Variants in USHBP1 observed in about 807,000 individuals in gnomAD.
USHBP1 encodes USH1 protein network component harmonin binding protein 1.
A neutral mutation model predicts 76.2 loss-of-function variants in USHBP1; 67 were observed. The ratio of observed to expected loss-of-function variants is 0.88; its 90% CI spans 0.72 to 1.08. The LOEUF is 1.08. USHBP1 is among the 50% of genes least tolerant of loss of function. The pLI is 0.00. For missense variants in USHBP1, 931 were observed against 915.0 expected (o/e 1.02, Z -0.23); for synonymous variants, 322 against 362.2 (o/e 0.89, Z 1.26).
chr19:17,257,165 C>A (rs975334265), intron 8 of USHBP1, among the ~76,000 whole-genome samples: 2 of 149,960 alleles, frequency 1.3e-5, no homozygotes, highest in African/African-American at 2.4e-5. Context: ...GGACTACAGG[C>A]GCTTGCCACC....
At chr19:17,253,910 GAAAA>G (rs773867096) in intron 10 of USHBP1, among the ~76,000 whole-genome samples, 1 of 131,952 alleles carries the variant, frequency 7.6e-6, no homozygotes, top group Non-Finnish European at 1.6e-5. Context: ...AAAAAAAAAA[GAAAA>G]AAAAAATTAA....
rs1335595849 is a variant in USHBP1 at position 17,250,343 on chromosome 19, ATC to A, written c.1992_1993del (p.Gln664HisfsTer79). Reference sequence around the variant, plus strand: ...GGCCTGCTGAGCCTCCATGAGTGCCATCTGCTGCTCCAACTTCCGGCGTTGCT... The same window carrying A: ...GGCCTGCTGAGCCTCCATGAGTGCCATGCTGCTCCAACTTCCGGCGTTGCT... On this transcript the variant is annotated frameshift_variant, in exon 13 of 13. Coordinates refer to ENST00000252597, the MANE Select transcript of USHBP1 (RefSeq NM_031941.4). LOFTEE classifies it low-confidence loss of function (END_TRUNC). 1 of 1,613,616 alleles carries A rather than the reference ATC, an allele frequency of 6.2e-7. No individual in the cohort carries two copies. Among genetic ancestry groups the A allele is most frequent in the African/African-American group, 1.3e-5 (1 of 74,898 alleles).
At chr19:17,259,762 CA>C in intron 5 of USHBP1, 30 bp from the exon 6 acceptor site, 1 of 1,588,616 alleles carries the variant, frequency 6.3e-7, no homozygotes, top group Non-Finnish European at 8.6e-7. Flanking sequence ...TAACTGACCC[CA>C]ATTGTCACCA....
In USHBP1 at chr19:17,249,604, T is replaced by G. The variant is rs1020060583; in HGVS notation, c.*621A>C. 4.6e-5 allele frequency: 7 copies of G among 152,992 alleles called. No individual in the cohort carries two copies. The highest frequency in any genetic ancestry group is 1.7e-4 in the African/African-American group (7 of 41,372). 9.5% of individuals were successfully genotyped at this position (152,992 alleles called of 1,614,324 possible). A position where few individuals can be genotyped will look rare whatever the true frequency, so the allele number is the denominator to read the frequency against. On this transcript the variant is annotated 3_prime_UTR_variant, in exon 13 of 13. Coordinates refer to ENST00000252597, the MANE Select transcript of USHBP1 (RefSeq NM_031941.4). ...CCCAAGCTCAAGTTACCCTCCCACT[T>G]TAGCCTCCTAAATATCTTTATAGGC...
At chr19:17,250,517 C>T in intron 12 of USHBP1, 103 bp from the exon 13 acceptor site, 1 of 1,315,258 alleles carries the variant, frequency 7.6e-7, no homozygotes, top group Non-Finnish European at 1.0e-6. Flanking sequence ...CACATTGGGT[C>T]TCCAAGGGTC....
At position 17,250,391 on chromosome 19, in the gene USHBP1, C is replaced by A. The variant is rs915013475; in HGVS notation, c.1946G>T (p.Gly649Val). 1 of 1,613,330 alleles carries A rather than the reference C, an allele frequency of 6.2e-7. No homozygotes were observed. The highest frequency in any genetic ancestry group is 8.5e-7 in the Non-Finnish European group (1 of 1,179,946). ...TTGCTCTTCCTGCTTCCGGTGGGCT[C>A]CTCGGAAGGCCAGGACCAGGGCGCT... ...AHSALVLAFR[G>V]AHRKQEEQRR... Residue 649 changes from glycine (G) to valine (V), a missense_variant, in exon 13 of 13, where the codon GGA becomes GTA. Coordinates refer to ENST00000252597, the MANE Select transcript of USHBP1 (RefSeq NM_031941.4).
rs1252570682 is a variant in USHBP1, at chr19:17,251,810, C to A, written c.1799+101G>T. 11 of 1,563,580 alleles carry A rather than the reference C, an allele frequency of 7.0e-6. 1 individual carries two copies. In the Admixed American group the frequency reaches 1.4e-4, roughly 21 times the overall value. On this transcript the variant is annotated intron_variant, in intron 11 of 12. Transcript: ENST00000252597. ...GTATTGTCATGTAAACACACCTGTA[C>A]ACCGGGGTACACCTTAGCTTCTACT...
intron 11 of USHBP1, 28 bp downstream of exon 11, chr19:17,251,883 C>A (rs1427090482): frequency 1.3e-6 from 2 of 1,524,198 alleles, no homozygotes; most frequent in African/African-American, 2.8e-5. Flanking sequence ...TGCCCACCCC[C>A]CGCACAGCCC....
chr19:17,259,170 A>T, intron 7 of USHBP1, 119 bp downstream of exon 7: 1 of 1,422,112 alleles, frequency 7.0e-7, no homozygotes, highest in Non-Finnish European at 9.3e-7. Flanking sequence ...GTCTCAAAAA[A>T]AAAAATTAAT....
Position 17,259,959 on chromosome 19 carries a change from C to T in USHBP1, c.706G>A (p.Ala236Thr). 1 of 1,614,010 alleles carries T rather than the reference C, an allele frequency of 6.2e-7. No individual in the cohort carries two copies. Among genetic ancestry groups the T allele is most frequent in the Non-Finnish European group, 8.5e-7 (1 of 1,179,984 alleles). ...EPCPHLSHNQ[A>T]GGSGSGSSSS... ...CTAGAACCACTGCCTGAGCCACCTG[C>T]TTGGTTGTGGGAAAGATGTGGGCAG... is the stretch of plus-strand genomic sequence containing the variant. The change falls in exon 5 of 13, where the codon GCA (alanine) becomes ACA (threonine). Residue 236 changes from alanine (A) to threonine (T), a missense_variant. By Grantham distance (58) the Ala-to-Thr change is moderately conservative. Coordinates refer to ENST00000252597, the MANE Select transcript of USHBP1 (RefSeq NM_031941.4).
chr19:17,261,035 G>A (rs888787772), intron 4 of USHBP1, among the ~76,000 whole-genome samples: 25 of 152,004 alleles, frequency 1.6e-4, no homozygotes, highest in Non-Finnish European at 2.4e-4. Context: ...CCTCACCTCC[G>A]CCACCAGAGG....
chr19:17,264,007 T>C lies in USHBP1; in HGVS notation c.198A>G (p.Gly66=). The C allele has an allele frequency of 2.5e-6, 4 of 1,590,058 alleles. No individual in the cohort carries two copies. Among genetic ancestry groups the C allele is most frequent in the Non-Finnish European group, 3.4e-6 (4 of 1,168,206 alleles). The change falls in exon 3 of 13, where the codon GGA becomes GGG. Residue 66 remains glycine (G), a synonymous_variant. Transcript: ENST00000252597. ...PMEEVSGQGL[G]SRTDKKMDGG... ...ACAGACCAAGCGGGTCTTACCTGCT[T>C]CCTAGGCCTTGGCCACTGACCTCCT...
intron 9 of USHBP1, among the ~76,000 whole-genome samples, chr19:17,256,181 C>G (rs923844301): frequency 3.9e-5 from 6 of 152,078 alleles, no homozygotes; most frequent in Admixed American, 1.3e-4. Flanking sequence ...TTCTCTAACT[C>G]CAGAACCTCA....
chr19:17,257,620 C>A (rs1487172575), intron 8 of USHBP1, among the ~76,000 whole-genome samples: 2 of 128,336 alleles, frequency 1.6e-5, no homozygotes. Flanking sequence ...CTAGCCTGGG[C>A]GACAAAAGTG....
chr19:17,254,615 C>T (rs1402319354), intron 10 of USHBP1, among the ~76,000 whole-genome samples: 6 of 151,020 alleles, frequency 4.0e-5, no homozygotes, highest in Admixed American at 2.6e-4. Flanking sequence ...AAGATCGGGC[C>T]ATTGCACTCC....
chr19:17,255,459 C>T lies in USHBP1; in HGVS notation c.1618G>A (p.Ala540Thr). 1 of 1,614,120 alleles carries T rather than the reference C, an allele frequency of 6.2e-7. No individual in the cohort carries two copies. Residue 540 changes from alanine to threonine, a missense_variant, in exon 10 of 13, where the codon GCT (alanine) becomes ACT (threonine). Transcript: ENST00000252597. ...QLRWERAELQ[A>T]GGANSSGGHS... ...CCGCCACTGCTGTTTGCCCCACCAGCCTGGAGCTCTGCCCGTTCCCACCGC... is the reference window on the plus strand; with the variant it reads ...CCGCCACTGCTGTTTGCCCCACCAGTCTGGAGCTCTGCCCGTTCCCACCGC...
intron 8 of USHBP1, among the ~76,000 whole-genome samples, chr19:17,257,931 G>A (rs1016486429): frequency 6.6e-6 from 1 of 152,172 alleles, no homozygotes; most frequent in Non-Finnish European, 1.5e-5. Flanking sequence ...TTACAGGCTT[G>A]AGCCACTGTG....
intron 9 of USHBP1, among the ~76,000 whole-genome samples, chr19:17,256,038 T>G (rs1206474003): frequency 1.3e-5 from 2 of 151,834 alleles, no homozygotes; most frequent in Non-Finnish European, 2.9e-5. Flanking sequence ...ACTAGGACCT[T>G]CACCATTCAC....
Position 17,262,671 on chromosome 19 carries a change from G to C in USHBP1, c.523C>G (p.Arg175Gly). 6.2e-7 allele frequency: 1 copy of C among 1,614,034 alleles called. No homozygotes were observed. The highest frequency in any genetic ancestry group is 8.5e-7 in the Non-Finnish European group (1 of 1,180,024). The change falls in exon 4 of 13, where the codon CGC becomes GGC. Residue 175 changes from arginine to glycine, a missense_variant. Transcript: ENST00000252597. ...AGCCAGGCATTCCTCTCGGCCAGGC[G>C]AGCTGCCTCTCGCTGGCAGCTCCCT... is the stretch of plus-strand genomic sequence containing the variant. ...GAGSCQREAA[R>G]LAERNAWLRL... is the part of the protein sequence containing the mutation.
Sources: allele counts gnomAD v4.1 joint callset (sites outside exome capture counted in the v4.1 genomes callset), GRCh38; gene constraint gnomAD v4.1.1; transcripts MANE v1.5; gene names NCBI Gene and HGNC (gene_info 2026-07-23, HGNC 2026-07-21).